The following ERBIN variants were observed in gnomAD, a reference collection of about 807,000 sequenced individuals.
ERBIN encodes densin-180-like protein.
ERBIN carries 60 observed loss-of-function variants against 158.4 expected under a neutral mutation model. The ratio of observed to expected loss-of-function variants is 0.38; its 90% CI spans 0.31 to 0.47. ERBIN has a LOEUF of 0.47. ERBIN is among the 20% of genes least tolerant of loss of function. The pLI, the probability that ERBIN is intolerant of heterozygous loss-of-function variation, is 0.99. For missense variants in ERBIN, 1,610 were observed against 1,648.0 expected, an observed-to-expected ratio of 0.98 and a Z score of 0.40; for synonymous variants, 594 against 557.2, an observed-to-expected ratio of 1.07 and a Z score of -0.93.
At chr5:65,983,023 C>T (rs920461915) in intron 1 of ERBIN, among the ~76,000 whole-genome samples, 3 of 152,132 alleles carry the variant, frequency 2.0e-5, no homozygotes, top group Non-Finnish European at 4.4e-5. Context: ...AGAATGTGTT[C>T]ATTATGTAAA....
chr5:66,057,508 C>T (rs972147507), intron 21 of ERBIN, among the ~76,000 whole-genome samples: 4 of 151,998 alleles, frequency 2.6e-5, no homozygotes, highest in Non-Finnish European at 5.9e-5. Flanking sequence ...ATTTATAGTT[C>T]ATAATTTTAA....
chr5:65,989,096 A>G (rs1457073189), intron 2 of ERBIN, among the ~76,000 whole-genome samples: 2 of 150,088 alleles, frequency 1.3e-5, no homozygotes, highest in East Asian at 3.9e-4. Flanking sequence ...TCTGATTTAT[A>G]AAGTGGCTCT....
intron 5 of ERBIN, 43 bp downstream of exon 5, chr5:66,012,170 C>G (rs1487546115): frequency 7.6e-7 from 1 of 1,309,546 alleles, no homozygotes; most frequent in East Asian, 2.3e-5. Context: ...GTGAATAAAA[C>G]AATTATGAAA....
intron 1 of ERBIN, among the ~76,000 whole-genome samples, chr5:65,955,363 C>T (rs1746978593): frequency 6.6e-6 from 1 of 152,142 alleles, no homozygotes; most frequent in Non-Finnish European, 1.5e-5. Context: ...GGGATGGTGG[C>T]TCATGCCTGT....
chr5:65,958,629 G>A (rs1364918611), intron 1 of ERBIN, among the ~76,000 whole-genome samples: 1 of 151,496 alleles, frequency 6.6e-6, no homozygotes, highest in African/African-American at 2.4e-5. Context: ...GGGAGACCGT[G>A]GGGAGAGGGG....
intron 1 of ERBIN, among the ~76,000 whole-genome samples, chr5:65,948,663 A>G (rs2150913450): frequency 6.6e-6 from 1 of 152,104 alleles, no homozygotes; most frequent in Non-Finnish European, 1.5e-5. Flanking sequence ...ATCCCTCTAA[A>G]CATCATTATT....
At chr5:66,047,782 C>G (rs2151217441) in intron 18 of ERBIN, among the ~76,000 whole-genome samples, 1 of 152,014 alleles carries the variant, frequency 6.6e-6, no homozygotes, top group East Asian at 1.9e-4. Flanking sequence ...TGCACTGAAG[C>G]TAATGTCACA....
chr5:66,029,600 TTGTCC>T (rs1756636704), intron 14 of ERBIN, among the ~76,000 whole-genome samples: 2 of 149,508 alleles, frequency 1.3e-5, no homozygotes, highest in Admixed American at 1.3e-4. Context: ...CTGTCCTGTC[TTGTCC>T]TGTCCTTTTC....
At chr5:65,947,622 G>A (rs898335124) in intron 1 of ERBIN, among the ~76,000 whole-genome samples, 5 of 152,100 alleles carry the variant, frequency 3.3e-5, no homozygotes, top group African/African-American at 1.2e-4. Context: ...ATCAAATTTA[G>A]CTAAGCTTCC....
chr5:65,964,152 T>C (rs1193484723), intron 1 of ERBIN, among the ~76,000 whole-genome samples: 1 of 152,182 alleles, frequency 6.6e-6, no homozygotes, highest in Non-Finnish European at 1.5e-5. Context: ...ACTCTAGTAT[T>C]AGATGGATTT....
intron 1 of ERBIN, among the ~76,000 whole-genome samples, chr5:65,958,608 G>A (rs1008249336): frequency 7.0e-6 from 1 of 142,226 alleles, no homozygotes; most frequent in African/African-American, 2.7e-5. Context: ...GAGGGAGACC[G>A]TGGAAGGAGA....
Position 66,028,307 on chromosome 5 carries a change from A to G in ERBIN, c.1170A>G (p.Leu390=). The G allele has an allele frequency of 6.2e-7, 1 of 1,612,778 alleles. No homozygotes were observed. Among genetic ancestry groups the G allele is most frequent in the South Asian group, 1.1e-5 (1 of 90,934 alleles). ...LKNLPFSFTK[L]QQLTAMWLSD... is the part of the protein sequence containing the mutation. The stretch of plus-strand genomic sequence containing the variant: ...ATTTACCCTTTAGCTTTACAAAGCT[A>G]CAGCAATTGACAGCTATGTGGCTCT... The change falls in exon 14 of 26, where the codon CTA becomes CTG. Residue 390 remains leucine (L), a synonymous_variant. Coordinates refer to ENST00000284037, the MANE Select transcript of ERBIN (RefSeq NM_001253697.2).
At chr5:66,034,181 A>G (rs16894756) in intron 14 of ERBIN, among the ~76,000 whole-genome samples, 4,811 of 151,860 alleles carry the variant, frequency 0.032, 128 homozygotes, top group African/African-American at 0.072. Flanking sequence ...AAAAGCTATG[A>G]CAGGAATTCT....
intron 9 of ERBIN, among the ~76,000 whole-genome samples, chr5:66,023,566 T>C (rs1755919967): frequency 6.6e-6 from 1 of 152,200 alleles, no homozygotes; most frequent in African/African-American, 2.4e-5. Context: ...ATGTCTCCTT[T>C]TAATACTGTT....
intron 1 of ERBIN, among the ~76,000 whole-genome samples, chr5:65,976,644 C>A (rs532749566): frequency 2.3e-4 from 35 of 150,878 alleles, no homozygotes; most frequent in South Asian, 6.3e-4. Flanking sequence ...TCTGGTTTTC[C>A]TAGGCAGAGG....
At chr5:66,014,376 T>C (rs1231942312) in intron 6 of ERBIN, among the ~76,000 whole-genome samples, 1 of 152,176 alleles carries the variant, frequency 6.6e-6, no homozygotes, top group African/African-American at 2.4e-5. Flanking sequence ...TTAATTTTTG[T>C]GAGCATTTTT....
At chr5:65,927,803 C>A (rs550355458) in intron 1 of ERBIN, among the ~76,000 whole-genome samples, 2 of 152,276 alleles carry the variant, frequency 1.3e-5, no homozygotes, top group Non-Finnish European at 2.9e-5. Context: ...AGACATTCCA[C>A]CAGTCAGAGC....
chr5:66,006,906 A>T (rs1271354242), intron 4 of ERBIN, among the ~76,000 whole-genome samples: 1 of 150,720 alleles, frequency 6.6e-6, no homozygotes, highest in Non-Finnish European at 1.5e-5. Flanking sequence ...GCTGGAGAGG[A>T]TGTGGAGAAA....
At chr5:66,051,624 G>A (rs1307304368) in intron 20 of ERBIN, among the ~76,000 whole-genome samples, 2 of 152,190 alleles carry the variant, frequency 1.3e-5, no homozygotes, top group African/African-American at 2.4e-5. Flanking sequence ...GAGCATGGTG[G>A]CTTAAACGTG....
Sources: allele counts gnomAD v4.1 joint callset (sites outside exome capture counted in the v4.1 genomes callset), GRCh38; gene constraint gnomAD v4.1.1; transcripts MANE v1.5; gene names NCBI Gene and HGNC (gene_info 2026-07-23, HGNC 2026-07-21).